ABLIM3: variants seen among roughly 807,000 people sequenced by gnomAD.
ABLIM3 encodes actin-binding LIM protein 3.
In ABLIM3, 61 loss-of-function variants were observed where a neutral mutation model predicts 109.5. The observed-to-expected ratio is 0.56, with a 90% CI of 0.45 to 0.69. The LOEUF is 0.69. Among genes scored for constraint, ABLIM3 ranks in the 30% least tolerant of loss-of-function variants. The probability of loss-of-function intolerance (pLI) is 0.00; values close to 1 mark genes in which losing one functional copy is unlikely to be tolerated. For missense variants in ABLIM3, 796 were observed against 889.5 expected (o/e 0.89, Z 1.34); for synonymous variants, 300 against 324.8 (o/e 0.92, Z 0.82).
At chr5:149,144,591 C>G (rs563039708) in intron 2 of ABLIM3, among the ~76,000 whole-genome samples, 9 of 152,298 alleles carry the variant, frequency 5.9e-5, no homozygotes, top group African/African-American at 2.2e-4. Flanking sequence ...AGCCACCATG[C>G]TAAGCACTCC....
At position 149,198,849 on chromosome 5, in the gene ABLIM3, A is replaced by G. The variant is rs897263754; in HGVS notation, c.335+447A>G. 5.3e-5 allele frequency among the ~76,000 whole-genome samples: 8 copies of G among 152,172 alleles called. No homozygotes were observed. The highest frequency in any genetic ancestry group is 1.9e-4 in the African/African-American group (8 of 41,440). Reference sequence around the variant, plus strand: ...TCATGCTGTTGGAGTGACCCTGGCAAGTGACCCCCACCTCTGTAAGCCTCA... The same window carrying G: ...TCATGCTGTTGGAGTGACCCTGGCAGGTGACCCCCACCTCTGTAAGCCTCA... On this transcript the variant is annotated intron_variant, in intron 4 of 23. Transcript: ENST00000309868. This position sits in a 1 kb window ranked among gnomAD's most constrained non-coding sequence, Gnocchi z 4.2.
chr5:149,187,773 G>A (rs1474463732), intron 3 of ABLIM3, among the ~76,000 whole-genome samples: 3 of 152,024 alleles, frequency 2.0e-5, no homozygotes, highest in Admixed American at 1.3e-4. Flanking sequence ...AACTCATTCA[G>A]ATTACCTGCT....
At chr5:149,199,927 A>G (rs1758338483) in intron 4 of ABLIM3, among the ~76,000 whole-genome samples, 1 of 152,212 alleles carries the variant, frequency 6.6e-6, no homozygotes, top group African/African-American at 2.4e-5. Flanking sequence ...TGAGTAGTAA[A>G]AGGAAGAAAT....
At chr5:149,215,058 A>T (rs558202919) in intron 7 of ABLIM3, among the ~76,000 whole-genome samples, 6 of 152,154 alleles carry the variant, frequency 3.9e-5, no homozygotes, top group African/African-American at 9.7e-5. Flanking sequence ...TTTCAACACC[A>T]TCCAAGACTG....
chr5:149,208,498 C>A (rs1441463276), intron 6 of ABLIM3, among the ~76,000 whole-genome samples: 1 of 152,014 alleles, frequency 6.6e-6, no homozygotes, highest in African/African-American at 2.4e-5. Flanking sequence ...TCTGGCCCTC[C>A]CCAAGTGCTA....
chr5:149,235,947 G>A (rs140636711), intron 10 of ABLIM3, among the ~76,000 whole-genome samples: 2 of 152,342 alleles, frequency 1.3e-5, no homozygotes, highest in Admixed American at 6.5e-5. Context: ...GAAGGGAACA[G>A]CATTACCAAA....
At chr5:149,142,154 CG>C in intron 2 of ABLIM3, 46 bp downstream of exon 2, 1 of 999,812 alleles carries the variant, frequency 1.0e-6, no homozygotes, top group Non-Finnish European at 1.5e-6. Context: ...GGGGTGGGGG[CG>C]GGAGGTGAGG....
At chr5:149,248,046 C>G in intron 18 of ABLIM3, 117 bp downstream of exon 18, 2 of 1,287,072 alleles carry the variant, frequency 1.6e-6, no homozygotes, top group East Asian at 2.5e-5. Flanking sequence ...TGCATCCTCT[C>G]TCTTCTTCCT....
intron 20 of ABLIM3, among the ~76,000 whole-genome samples, chr5:149,251,119 A>G (rs1753882028): frequency 6.6e-6 from 1 of 152,240 alleles, no homozygotes; most frequent in African/African-American, 2.4e-5. Flanking sequence ...TGTTTGAGCA[A>G]TGAAAGAAAG....
At chr5:149,165,585 AAAG>A (rs1433579801) in intron 2 of ABLIM3, among the ~76,000 whole-genome samples, 1 of 152,228 alleles carries the variant, frequency 6.6e-6, no homozygotes, top group African/African-American at 2.4e-5. Context: ...TTTGAAGTCA[AAAG>A]AAGATCTCCC....
At chr5:149,171,165 T>C (rs538455448) in intron 2 of ABLIM3, among the ~76,000 whole-genome samples, 1 of 152,352 alleles carries the variant, frequency 6.6e-6, no homozygotes, top group African/African-American at 2.4e-5. Context: ...CCTATAGTAC[T>C]GGACTTAGCA....
chr5:149,258,087 C>T (rs1441016447), intron 23 of ABLIM3, among the ~76,000 whole-genome samples: 1 of 152,222 alleles, frequency 6.6e-6, no homozygotes, highest in Admixed American at 6.5e-5. Context: ...CTCCAGAGTC[C>T]TCCCTGGGAA....
At chr5:149,146,793 T>G (rs1752972549) in intron 2 of ABLIM3, among the ~76,000 whole-genome samples, 1 of 152,228 alleles carries the variant, frequency 6.6e-6, no homozygotes. Context: ...GTTTTGATAA[T>G]TTGGGCGCTT....
intron 8 of ABLIM3, among the ~76,000 whole-genome samples, chr5:149,227,158 C>T (rs190895950): frequency 3.5e-4 from 53 of 151,674 alleles, no homozygotes; most frequent in Non-Finnish European, 6.6e-4. Context: ...TTAAATCAGC[C>T]CCAAATGTTA....
intron 8 of ABLIM3, chr5:149,218,777 A>T (rs935373425): frequency 1.3e-5 from 2 of 152,230 alleles, no homozygotes; most frequent in Admixed American, 6.6e-5. Flanking sequence ...CCACAATTTA[A>T]CACAGTCCTC....
At chr5:149,163,000 TTC>T (rs1200425785) in intron 2 of ABLIM3, among the ~76,000 whole-genome samples, 1 of 152,182 alleles carries the variant, frequency 6.6e-6, no homozygotes, top group Admixed American at 6.5e-5. Flanking sequence ...TGAGGCTGCT[TTC>T]TCCTGCCGGA....
chr5:149,159,726 T>C (rs1393282620), intron 2 of ABLIM3, among the ~76,000 whole-genome samples: 1 of 152,204 alleles, frequency 6.6e-6, no homozygotes, highest in Non-Finnish European at 1.5e-5. Flanking sequence ...GTTTCAACTA[T>C]GTAACACCTG....
chr5:149,180,659 A>G (rs1199859906), intron 2 of ABLIM3, among the ~76,000 whole-genome samples: 1 of 152,202 alleles, frequency 6.6e-6, no homozygotes, highest in African/African-American at 2.4e-5. Flanking sequence ...TGTATGGTGT[A>G]TGTATGTATT....
Position 149,259,405 on chromosome 5 carries a change from C to A in ABLIM3, c.*1001C>A. The A allele has an allele frequency of 6.7e-7, 1 of 1,493,304 alleles. No individual in the cohort carries two copies. Among genetic ancestry groups the A allele is most frequent in the African/African-American group, 1.4e-5 (1 of 72,148 alleles). 92.5% of individuals were successfully genotyped at this position (1,493,304 alleles called of 1,614,324 possible). Reference sequence around the variant, plus strand: ...ACTGAACAACCAGACAGACAACTCTCATCATCCTCCAGAGAGAAAATAGGC... The same window carrying A: ...ACTGAACAACCAGACAGACAACTCTAATCATCCTCCAGAGAGAAAATAGGC... On this transcript the variant is annotated 3_prime_UTR_variant, in exon 24 of 24. Coordinates refer to ENST00000309868, the MANE Select transcript of ABLIM3 (RefSeq NM_014945.5).
Sources: allele counts gnomAD v4.1 joint callset (sites outside exome capture counted in the v4.1 genomes callset), GRCh38; gene constraint gnomAD v4.1.1; non-coding constraint Gnocchi (gnomAD v3.1); transcripts MANE v1.5; gene names NCBI Gene and HGNC (gene_info 2026-07-23, HGNC 2026-07-21).